Variants in KAZN observed in about 807,000 individuals in gnomAD.
KAZN encodes the protein kazrin, periplakin interacting protein.
In KAZN, 40 loss-of-function variants were observed where a neutral mutation model predicts 87.4. The ratio of observed to expected loss-of-function variants is 0.46; its 90% CI spans 0.36 to 0.60. The LOEUF (loss-of-function observed/expected upper bound fraction) is 0.60, where lower values mean the gene tolerates loss of function less well. Ranked by LOEUF, KAZN falls within the 20% of genes least tolerant of loss-of-function variation. The probability of loss-of-function intolerance (pLI) is 0.00; values close to 1 mark genes in which losing one functional copy is unlikely to be tolerated. For synonymous variants in KAZN, 466 were observed against 458.3 expected, an observed-to-expected ratio of 1.02 and a Z score of -0.22; for missense variants, 898 against 1,073.9, an observed-to-expected ratio of 0.84 and a Z score of 2.29.
intron 1 of KAZN, among the ~76,000 whole-genome samples, chr1:14,816,008 A>C (rs1159389527): frequency 6.6e-6 from 1 of 152,122 alleles, no homozygotes; most frequent in East Asian, 1.9e-4. Flanking sequence ...ATTCCAAGCC[A>C]GGCACCTTAG....
At chr1:13,930,378 G>A (rs755391335) in intron 1 of KAZN, among the ~76,000 whole-genome samples, 7 of 152,156 alleles carry the variant, frequency 4.6e-5, no homozygotes, top group South Asian at 2.1e-4. Context: ...CCTACCTGTC[G>A]ACCCACAAAT....
At chr1:13,945,675 CAG>C (rs1491237509) in intron 1 of KAZN, among the ~76,000 whole-genome samples, 2 of 47,948 alleles carry the variant, frequency 4.2e-5, no homozygotes, top group African/African-American at 1.6e-4. Context: ...CATTTGCTCT[CAG>C]TTTGTGTGTG....
intron 2 of KAZN, among the ~76,000 whole-genome samples, chr1:14,590,012 G>A (rs984617926): frequency 3.9e-5 from 6 of 151,998 alleles, no homozygotes; most frequent in Admixed American, 2.6e-4. Flanking sequence ...GCAAAGTAGG[G>A]CGATAAAGGC....
At chr1:14,684,928 A>G (rs1640867643) in intron 1 of KAZN, among the ~76,000 whole-genome samples, 1 of 152,160 alleles carries the variant, frequency 6.6e-6, no homozygotes, top group Non-Finnish European at 1.5e-5. Flanking sequence ...GGATGGGGAC[A>G]TCTTTGGGGG....
At position 14,163,648 on chromosome 1, in the gene KAZN, C is replaced by T. The variant is rs544580773; in HGVS notation, c.92-16787C>T. Among the ~76,000 whole-genome samples, 3 of 152,254 alleles carry T rather than the reference C, an allele frequency of 2.0e-5. No homozygotes were observed. In the South Asian group the frequency reaches 6.2e-4, roughly 32 times the overall value. On this transcript the variant is annotated intron_variant, in intron 1 of 16. Coordinates refer to the KAZN transcript ENST00000636203. The stretch of plus-strand genomic sequence containing the variant: ...ATTGGGAGACTGCCGTTCCCTAGTG[C>T]CAGCTGTGACCAATTATTATTTTAG...
intron 1 of KAZN, among the ~76,000 whole-genome samples, chr1:14,016,126 C>T (rs1216910243): frequency 2.0e-5 from 3 of 152,178 alleles, no homozygotes; most frequent in Non-Finnish European, 2.9e-5. Flanking sequence ...TATCTTGGTT[C>T]TGCACATCTC....
intron 1 of KAZN, among the ~76,000 whole-genome samples, chr1:14,058,669 A>G (rs766847261): frequency 3.9e-5 from 6 of 152,330 alleles, no homozygotes; most frequent in South Asian, 2.1e-4. Context: ...CAGAGGCAGC[A>G]TTATGTAAAA....
At chr1:14,489,278 T>C (rs911842679) in intron 2 of KAZN, among the ~76,000 whole-genome samples, 3 of 152,218 alleles carry the variant, frequency 2.0e-5, no homozygotes, top group African/African-American at 4.8e-5. Flanking sequence ...ATATCTATTA[T>C]ACACATCTAT....
intron 1 of KAZN, among the ~76,000 whole-genome samples, chr1:14,607,832 G>A (rs1391927249): frequency 1.3e-5 from 2 of 152,178 alleles, no homozygotes; most frequent in Non-Finnish European, 2.9e-5. Context: ...ATCAGAACTG[G>A]GGAGGCAGAG....
In KAZN at chr1:14,114,899, T is replaced by G. The variant is rs950584671; in HGVS notation, c.92-65536T>G. 2.0e-5 allele frequency among the ~76,000 whole-genome samples: 3 copies of G among 152,216 alleles called. No homozygotes were observed. In the East Asian group the frequency reaches 5.8e-4, roughly 29 times the overall value. On this transcript the variant is annotated intron_variant, in intron 1 of 16. Coordinates refer to the KAZN transcript ENST00000636203. ...CACAACTACAACCATAGAGGGTACA[T>G]TTTCCCAGAGAGGGTAAATTGGTTC...
intron 1 of KAZN, among the ~76,000 whole-genome samples, chr1:13,898,848 A>G (rs1214592859): frequency 6.6e-6 from 1 of 152,212 alleles, no homozygotes; most frequent in Non-Finnish European, 1.5e-5. Flanking sequence ...CTTTTAAACA[A>G]TATAGGGGTC....
chr1:14,090,716 G>C (rs1171185062), intron 1 of KAZN, among the ~76,000 whole-genome samples: 2 of 152,146 alleles, frequency 1.3e-5, no homozygotes, highest in Admixed American at 6.5e-5. Flanking sequence ...ATTATTCCCA[G>C]TGCTGGGTAG....
chr1:14,324,757 C>T (rs574298229), intron 2 of KAZN, among the ~76,000 whole-genome samples: 2 of 152,224 alleles, frequency 1.3e-5, no homozygotes, highest in South Asian at 4.1e-4. Context: ...AGATTTTTAC[C>T]AGCAAAACCA....
chr1:14,345,253 C>T (rs1166093214), intron 2 of KAZN, among the ~76,000 whole-genome samples: 2 of 152,158 alleles, frequency 1.3e-5, no homozygotes, highest in Non-Finnish European at 2.9e-5. Context: ...TCTGCAGAGG[C>T]GTAAACCAGT....
intron 14 of KAZN, 101 bp from the exon 15 acceptor site, chr1:15,114,370 T>A: frequency 1.1e-6 from 1 of 940,578 alleles, no homozygotes; most frequent in Non-Finnish European, 1.6e-6. Flanking sequence ...AGTAAGTTAC[T>A]CAATCACAGA....
intron 2 of KAZN, among the ~76,000 whole-genome samples, chr1:14,561,391 G>A (rs543881343): frequency 7.9e-5 from 12 of 152,116 alleles, no homozygotes; most frequent in Non-Finnish European, 1.5e-4. Flanking sequence ...CGAGACTGGC[G>A]AAAAGATAAA....
chr1:13,893,813 G>C, intron 1 of KAZN: 1 of 1,539,910 alleles, frequency 6.5e-7, no homozygotes, highest in South Asian at 1.2e-5. Flanking sequence ...GCGTTATCCC[G>C]GGTCCCCAAA....
chr1:15,100,331 C>T (rs997366492), intron 10 of KAZN, among the ~76,000 whole-genome samples: 2 of 152,154 alleles, frequency 1.3e-5, no homozygotes, highest in African/African-American at 2.4e-5. Flanking sequence ...GGACCCTCAG[C>T]AGGAGGGTGG....
chr1:14,399,961 C>T (rs1196877419), intron 2 of KAZN, among the ~76,000 whole-genome samples: 1 of 152,000 alleles, frequency 6.6e-6, no homozygotes, highest in Non-Finnish European at 1.5e-5. Flanking sequence ...ATCAAGCTCT[C>T]AGTAAGTAAT....
Sources: allele counts gnomAD v4.1 joint callset (sites outside exome capture counted in the v4.1 genomes callset), GRCh38; gene constraint gnomAD v4.1.1; transcripts MANE v1.5; gene names NCBI Gene and HGNC (gene_info 2026-07-23, HGNC 2026-07-21).